The following ST6GALNAC3 variants were observed in gnomAD, a reference collection of about 807,000 sequenced individuals.
ST6GALNAC3 encodes ST6 N-acetylgalactosaminide alpha-2,6-sialyltransferase 3, also known as alpha-N-acetylgalactosaminide alpha-2,6-sialyltransferase 3.
A neutral mutation model predicts 32.7 loss-of-function variants in ST6GALNAC3; 25 were observed. The ratio of observed to expected loss-of-function variants is 0.76; its 90% confidence interval spans 0.56 to 1.07. The LOEUF is 1.07. Ranked by LOEUF, ST6GALNAC3 falls within the 50% of genes least tolerant of loss-of-function variation. ST6GALNAC3 has a pLI of 0.00. For synonymous variants in ST6GALNAC3, 129 were observed against 133.1 expected (o/e 0.97, Z 0.21); for missense variants, 355 against 382.4 (o/e 0.93, Z 0.60).
intron 3 of ST6GALNAC3, among the ~76,000 whole-genome samples, chr1:76,578,213 A>G (rs1374217357): frequency 1.3e-5 from 2 of 151,986 alleles, no homozygotes; most frequent in African/African-American, 4.8e-5. Flanking sequence ...TAAAATCCCT[A>G]TTGGTAAAAC....
intron 1 of ST6GALNAC3, among the ~76,000 whole-genome samples, chr1:76,169,527 T>A (rs1157631979): frequency 6.6e-6 from 1 of 152,194 alleles, no homozygotes; most frequent in Non-Finnish European, 1.5e-5. Flanking sequence ...GAAGTTCTCA[T>A]GCATGATGTC....
intron 1 of ST6GALNAC3, among the ~76,000 whole-genome samples, chr1:76,252,219 C>G (rs1028743075): frequency 8.5e-5 from 13 of 152,112 alleles, no homozygotes; most frequent in African/African-American, 3.1e-4. Context: ...TTGTAATAGT[C>G]ACTTGGACAC....
chr1:76,391,483 G>C (rs1164513962), intron 2 of ST6GALNAC3, among the ~76,000 whole-genome samples: 2 of 152,086 alleles, frequency 1.3e-5, no homozygotes, highest in Non-Finnish European at 2.9e-5. Context: ...TTGGATAATT[G>C]AATGTTCTTT....
intron 3 of ST6GALNAC3, 87 bp from the exon 4 acceptor site, chr1:76,627,365 G>A (rs1649031570): frequency 2.4e-6 from 2 of 832,348 alleles, no homozygotes; most frequent in Non-Finnish European, 4.0e-6. Flanking sequence ...TTGATGAAAT[G>A]TTGCTCGTTT....
intron 1 of ST6GALNAC3, among the ~76,000 whole-genome samples, chr1:76,165,838 G>T (rs1321829950): frequency 1.3e-5 from 2 of 151,964 alleles, no homozygotes; most frequent in Non-Finnish European, 2.9e-5. Context: ...GTCTGTTCAT[G>T]TCCTTTGTCC....
intron 3 of ST6GALNAC3, among the ~76,000 whole-genome samples, chr1:76,622,688 C>A (rs1648724863): frequency 6.6e-6 from 1 of 151,996 alleles, no homozygotes; most frequent in African/African-American, 2.4e-5. Context: ...AAACTCTAAT[C>A]TAGAGAAAGT....
chr1:76,295,569 G>GA (rs1167809280), intron 1 of ST6GALNAC3, among the ~76,000 whole-genome samples: 1 of 152,094 alleles, frequency 6.6e-6, no homozygotes, highest in Non-Finnish European at 1.5e-5. Flanking sequence ...GTAGGGGATA[G>GA]AAAATCTTAT....
At chr1:76,137,295 C>T (rs1263307601) in intron 1 of ST6GALNAC3, among the ~76,000 whole-genome samples, 3 of 152,230 alleles carry the variant, frequency 2.0e-5, no homozygotes, top group Non-Finnish European at 4.4e-5. Flanking sequence ...TCAGCACCCT[C>T]AGCTGTTAGC....
chr1:76,393,326 A>G (rs1341690145), intron 2 of ST6GALNAC3, among the ~76,000 whole-genome samples: 5 of 152,144 alleles, frequency 3.3e-5, no homozygotes, highest in Non-Finnish European at 7.4e-5. Flanking sequence ...TTCAGAAAAG[A>G]TCATGATTCT....
intron 2 of ST6GALNAC3, among the ~76,000 whole-genome samples, chr1:76,314,776 G>A (rs1171080910): frequency 6.6e-6 from 1 of 152,150 alleles, no homozygotes; most frequent in Non-Finnish European, 1.5e-5. Context: ...GAGACACAAA[G>A]TCCAAGCCTG....
chr1:76,113,232 G>A (rs1310136412), intron 1 of ST6GALNAC3, among the ~76,000 whole-genome samples: 2 of 151,602 alleles, frequency 1.3e-5, no homozygotes, highest in Non-Finnish European at 2.9e-5. Flanking sequence ...GCAGGCACTC[G>A]GCAGGCTGAG....
chr1:76,345,401 G>A (rs1414574603), intron 2 of ST6GALNAC3, among the ~76,000 whole-genome samples: 1 of 152,068 alleles, frequency 6.6e-6, no homozygotes, highest in Non-Finnish European at 1.5e-5. Flanking sequence ...TAAGAGAAGA[G>A]AAGACAGGAG....
At chr1:76,237,243 C>T (rs1012108054) in intron 1 of ST6GALNAC3, among the ~76,000 whole-genome samples, 4 of 152,170 alleles carry the variant, frequency 2.6e-5, no homozygotes, top group African/African-American at 9.7e-5. Flanking sequence ...AAGGGATTCT[C>T]CTGCCTCAGC....
chr1:76,123,376 C>T (rs1318436799), intron 1 of ST6GALNAC3, among the ~76,000 whole-genome samples: 1 of 129,016 alleles, frequency 7.8e-6, no homozygotes, highest in Non-Finnish European at 1.6e-5. Context: ...GAGGCTCCAT[C>T]TCAAAAAAAA....
chr1:76,451,714 A>G (rs934395714), intron 3 of ST6GALNAC3, among the ~76,000 whole-genome samples: 12 of 152,178 alleles, frequency 7.9e-5, no homozygotes, highest in Non-Finnish European at 1.6e-4. Context: ...TTTGATTCTC[A>G]GCTTAGTCAC....
chr1:76,510,459 A>G (rs1455920962), intron 3 of ST6GALNAC3, among the ~76,000 whole-genome samples: 1 of 152,172 alleles, frequency 6.6e-6, no homozygotes, highest in Non-Finnish European at 1.5e-5. Context: ...CATATTATAT[A>G]GGAACAATAG....
chr1:76,403,084 C>T (rs1031508807), intron 2 of ST6GALNAC3, among the ~76,000 whole-genome samples: 8 of 152,136 alleles, frequency 5.3e-5, no homozygotes, highest in African/African-American at 1.7e-4. Context: ...ATGGCAATGA[C>T]TGTTCCATTT....
At chr1:76,095,158 A>G (rs1440156826) in intron 1 of ST6GALNAC3, among the ~76,000 whole-genome samples, 1 of 152,084 alleles carries the variant, frequency 6.6e-6, no homozygotes, top group Non-Finnish European at 1.5e-5. Context: ...GCAGGCAGCA[A>G]ACCTCTTTGG....
At chr1:76,529,423 G>C (rs1453020580) in intron 3 of ST6GALNAC3, among the ~76,000 whole-genome samples, 1 of 152,140 alleles carries the variant, frequency 6.6e-6, no homozygotes, top group Admixed American at 6.6e-5. Flanking sequence ...TGCTATATAA[G>C]TGTCAAGCAT....
Sources: allele counts gnomAD v4.1 joint callset (sites outside exome capture counted in the v4.1 genomes callset), GRCh38; gene constraint gnomAD v4.1.1; transcripts MANE v1.5; gene names NCBI Gene and HGNC (gene_info 2026-07-23, HGNC 2026-07-21).